ANGPT2: variants seen among roughly 807,000 people sequenced by gnomAD.
ANGPT2 encodes the protein angiopoietin-2.
A neutral mutation model predicts 62.9 loss-of-function variants in ANGPT2; 28 were observed. The ratio of observed to expected loss-of-function variants is 0.44; its 90% confidence interval spans 0.33 to 0.61. The LOEUF (loss-of-function observed/expected upper bound fraction) is 0.61, where lower values mean the gene tolerates loss of function less well. Among genes scored for constraint, ANGPT2 ranks in the 20% least tolerant of loss-of-function variants. The probability of loss-of-function intolerance (pLI) is 0.03; values close to 1 mark genes in which losing one functional copy is unlikely to be tolerated. For missense variants in ANGPT2, 727 were observed against 594.9 expected, an observed-to-expected ratio of 1.22 and a Z score of -2.31; for synonymous variants, 284 against 207.8, an observed-to-expected ratio of 1.37 and a Z score of -3.15.
In ANGPT2 at chr8:6,505,262, TTA is replaced by T. The variant is rs1405057883; in HGVS notation, c.1328-2003_1328-2002del. On this transcript the variant is annotated intron_variant, in intron 8 of 8. Coordinates refer to ENST00000629816, the MANE Select transcript of ANGPT2 (RefSeq NM_001118887.2). ...AGAATATATATTCTTTATATATGTTTTATATATATGTATACATATATATGTTA... is the reference window on the plus strand; with the variant it reads ...AGAATATATATTCTTTATATATGTTTTATATATGTATACATATATATGTTA... Among the ~76,000 whole-genome samples, 8 of 23,438 alleles carry T rather than the reference TTA, an allele frequency of 3.4e-4. 1 individual carries two copies. Among genetic ancestry groups the T allele is most frequent in the East Asian group, 3.0e-3 (1 of 334 alleles). The allele number at this position is 23,438 out of a possible 152,430, so 15.4% of individuals were successfully genotyped here.
At chr8:6,548,511 C>G (rs1455205631) in intron 1 of ANGPT2, among the ~76,000 whole-genome samples, 2 of 152,158 alleles carry the variant, frequency 1.3e-5, no homozygotes, top group Admixed American at 1.3e-4. Context: ...AGCTTACTTG[C>G]ATTTCAGTGG....
At chr8:6,551,102 A>G (rs1823569891) in intron 1 of ANGPT2, among the ~76,000 whole-genome samples, 1 of 152,172 alleles carries the variant, frequency 6.6e-6, no homozygotes, top group Non-Finnish European at 1.5e-5. Context: ...CTTACCTTCC[A>G]CGGCTCCTGG....
Position 6,528,559 on chromosome 8 carries a change from C to A in ANGPT2, c.445-883G>T, listed in dbSNP as rs949462591. 2.6e-5 allele frequency among the ~76,000 whole-genome samples: 4 copies of A among 152,236 alleles called. No homozygotes were observed. In the South Asian group the frequency reaches 8.3e-4, roughly 31 times the overall value. ...GTTTGAACCAATCGAAGCCGTATAG[C>A]GTGAGTGTGAAGCGGAGCCTCAGCC... On this transcript the variant is annotated intron_variant, in intron 2 of 8. Coordinates refer to ENST00000629816, the MANE Select transcript of ANGPT2 (RefSeq NM_001118887.2).
chr8:6,499,686 A>C lies in ANGPT2; in HGVS notation c.*3415T>G. 2 of 627,352 alleles carry C rather than the reference A, an allele frequency of 3.2e-6. No individual in the cohort carries two copies. The highest frequency in any genetic ancestry group is 5.7e-6 in the Non-Finnish European group (2 of 350,660). The allele number at this position is 627,352 out of a possible 1,614,324, so 38.9% of individuals were successfully genotyped here. A position where few individuals can be genotyped will look rare whatever the true frequency, so the allele number is the denominator to read the frequency against. On this transcript the variant is annotated 3_prime_UTR_variant, in exon 9 of 9. Coordinates refer to ENST00000629816, the MANE Select transcript of ANGPT2 (RefSeq NM_001118887.2). ...TCAACTTTTTATTAATATTCATAAC[A>C]TTTATGCAACATGAAGATTCTGAAG...
At position 6,562,857 on chromosome 8, in the gene ANGPT2, C is replaced by T. The variant is rs1825768004; in HGVS notation, c.78G>A (p.Met26Ile). The change falls in exon 1 of 9, where the codon ATG becomes ATA. Residue 26 changes from methionine to isoleucine, a missense_variant. Transcript: ENST00000629816. ...AAAYNNFRKS[M>I]DSIGKKQYQV... The stretch of plus-strand genomic sequence containing the variant: ...GATATTGCTTCTTTCCTATGCTGTC[C>T]ATGCTCTTCCGAAAGTTGTTATAGG... 6.2e-7 allele frequency: 1 copy of T among 1,613,154 alleles called. No individual in the cohort carries two copies. Among genetic ancestry groups the T allele is most frequent in the Non-Finnish European group, 8.5e-7 (1 of 1,179,296 alleles).
chr8:6,533,558 G>T (rs1211598004), intron 1 of ANGPT2, among the ~76,000 whole-genome samples: 1 of 144,478 alleles, frequency 6.9e-6, no homozygotes, highest in Non-Finnish European at 1.5e-5. Flanking sequence ...CAGATACTTA[G>T]CGTTTAGTTT....
intron 2 of ANGPT2, among the ~76,000 whole-genome samples, chr8:6,529,457 T>C (rs559637561): frequency 8.0e-4 from 120 of 150,748 alleles, no homozygotes; most frequent in Admixed American, 3.0e-3. Flanking sequence ...ATTTTTCTTT[T>C]TTTTTTTTTT....
intron 1 of ANGPT2, among the ~76,000 whole-genome samples, chr8:6,552,970 C>T (rs1823923496): frequency 6.6e-6 from 1 of 152,204 alleles, no homozygotes; most frequent in Admixed American, 6.5e-5. Context: ...AAGGGCTGTG[C>T]AGGTAGAGCA....
intron 7 of ANGPT2, among the ~76,000 whole-genome samples, chr8:6,512,179 T>A (rs1385502978): frequency 1.3e-5 from 2 of 152,210 alleles, no homozygotes; most frequent in African/African-American, 4.8e-5. Context: ...TATATCTGTT[T>A]CTCAAACATG....
At chr8:6,538,644 C>A (rs1217910278) in intron 1 of ANGPT2, among the ~76,000 whole-genome samples, 1 of 152,224 alleles carries the variant, frequency 6.6e-6, no homozygotes, top group African/African-American at 2.4e-5. Flanking sequence ...GTCCCACCAT[C>A]CCCCATTGCA....
intron 2 of ANGPT2, among the ~76,000 whole-genome samples, chr8:6,531,853 T>C (rs1819581815): frequency 6.6e-6 from 1 of 152,200 alleles, no homozygotes; most frequent in African/African-American, 2.4e-5. Flanking sequence ...CTTGTCTCCT[T>C]CTCCATAAAC....
intron 1 of ANGPT2, among the ~76,000 whole-genome samples, chr8:6,558,695 G>A (rs1479369821): frequency 1.3e-5 from 2 of 152,084 alleles, no homozygotes; most frequent in East Asian, 1.9e-4. Context: ...CCATTTCCTA[G>A]TTCTAAACTC....
intron 1 of ANGPT2, among the ~76,000 whole-genome samples, chr8:6,561,781 GA>G (rs939120735): frequency 7.9e-5 from 12 of 151,984 alleles, no homozygotes; most frequent in African/African-American, 2.7e-4. Context: ...GTTTACATGT[GA>G]AAAAAAATTA....
At chr8:6,518,228 T>TC (rs1816663664) in intron 5 of ANGPT2, among the ~76,000 whole-genome samples, 4 of 151,794 alleles carry the variant, frequency 2.6e-5, no homozygotes. Flanking sequence ...GCATCCTCTG[T>TC]CCCCCCTCTT....
At chr8:6,547,598 C>G (rs1461492552) in intron 1 of ANGPT2, among the ~76,000 whole-genome samples, 1 of 152,194 alleles carries the variant, frequency 6.6e-6, no homozygotes, top group Non-Finnish European at 1.5e-5. Context: ...GAATGGCTGA[C>G]TCACTTGCCT....
At chr8:6,508,867 C>T (rs763469780) in intron 8 of ANGPT2, 65 bp downstream of exon 8, 7 of 1,609,476 alleles carry the variant, frequency 4.3e-6, no homozygotes, top group Admixed American at 1.7e-5. Context: ...TCCAAATTGC[C>T]AGCCTTTCCC....
chr8:6,536,631 T>G (rs1381444693), intron 1 of ANGPT2, among the ~76,000 whole-genome samples: 3 of 152,126 alleles, frequency 2.0e-5, no homozygotes, highest in Non-Finnish European at 4.4e-5. Flanking sequence ...TTTTTAGAGG[T>G]ACAGAAAGAC....
At chr8:6,512,080 C>G (rs1483891967) in intron 7 of ANGPT2, among the ~76,000 whole-genome samples, 1 of 152,064 alleles carries the variant, frequency 6.6e-6, no homozygotes, top group African/African-American at 2.4e-5. Flanking sequence ...TCTCATTCAT[C>G]TCGGTTGTTG....
chr8:6,533,037 G>T (rs906648699), intron 1 of ANGPT2, among the ~76,000 whole-genome samples: 1 of 152,236 alleles, frequency 6.6e-6, no homozygotes, highest in East Asian at 1.9e-4. Flanking sequence ...TCCACATTCT[G>T]TGGGGTCTTC....
Sources: allele counts gnomAD v4.1 joint callset (sites outside exome capture counted in the v4.1 genomes callset), GRCh38; gene constraint gnomAD v4.1.1; transcripts MANE v1.5; gene names NCBI Gene and HGNC (gene_info 2026-07-23, HGNC 2026-07-21).